NCKAP1: variants seen among roughly 807,000 people sequenced by gnomAD.
NCKAP1 encodes the protein nck-associated protein 1.
Under a neutral mutation model 151.2 loss-of-function variants are expected in NCKAP1, and 21 were observed. The observed-to-expected ratio is 0.14, with a 90% CI of 0.10 to 0.20. The LOEUF (loss-of-function observed/expected upper bound fraction) is 0.20, where lower values mean the gene tolerates loss of function less well. NCKAP1 is among the 10% of genes least tolerant of loss of function. The pLI, the probability that NCKAP1 is intolerant of heterozygous loss-of-function variation, is 1.00. For synonymous variants in NCKAP1, 484 were observed against 451.8 expected (o/e 1.07, Z -0.90); for missense variants, 933 against 1,352.1 (o/e 0.69, Z 4.86).
intron 1 of NCKAP1, among the ~76,000 whole-genome samples, chr2:183,036,815 C>A (rs1306525345): frequency 4.2e-4 from 56 of 133,436 alleles, no homozygotes; most frequent in African/African-American, 1.2e-3. Flanking sequence ...AATGAATTTC[C>A]AAAGAAAAAA....
chr2:182,996,735 C>A (rs575511270), intron 6 of NCKAP1, among the ~76,000 whole-genome samples: 16 of 152,116 alleles, frequency 1.1e-4, no homozygotes, highest in Non-Finnish European at 2.4e-4. Flanking sequence ...GGATTACAGG[C>A]GTGAGCCACC....
intron 4 of NCKAP1, 112 bp downstream of exon 4, chr2:183,002,862 A>G: frequency 4.4e-6 from 3 of 686,532 alleles, no homozygotes; most frequent in East Asian, 2.7e-5. Flanking sequence ...CCAAATTAAT[A>G]ATGCTAAAAC....
intron 1 of NCKAP1, among the ~76,000 whole-genome samples, chr2:183,028,511 C>T (rs1698941610): frequency 6.6e-6 from 1 of 152,046 alleles, no homozygotes; most frequent in Non-Finnish European, 1.5e-5. Flanking sequence ...TTAAAGGATA[C>T]ACTTAAACAT....
Position 182,985,304 on chromosome 2 carries a change from T to C in NCKAP1, c.1004+867A>G, listed in dbSNP as rs1221351878. Among the ~76,000 whole-genome samples, 4 of 152,336 alleles carry C rather than the reference T, an allele frequency of 2.6e-5. No homozygotes were observed. In the East Asian group the frequency reaches 7.7e-4, roughly 29 times the overall value. ...CTGATAGATCAAATAATATTATCTGTATATAGTACCTAAGTTAACTGGAGA... is the reference window on the plus strand; with the variant it reads ...CTGATAGATCAAATAATATTATCTGCATATAGTACCTAAGTTAACTGGAGA... On this transcript the variant is annotated intron_variant, in intron 10 of 30. Transcript: ENST00000361354.
chr2:182,940,885 T>C (rs1696982136), intron 24 of NCKAP1, among the ~76,000 whole-genome samples: 1 of 152,252 alleles, frequency 6.6e-6, no homozygotes, highest in African/African-American at 2.4e-5. Flanking sequence ...CCCTTTATAG[T>C]CCTGGCAACC....
intron 27 of NCKAP1, among the ~76,000 whole-genome samples, chr2:182,929,793 A>G (rs6714190): frequency 0.17 from 25,230 of 151,280 alleles, 4,158 homozygotes; most frequent in African/African-American, 0.43. Flanking sequence ...GAACTCAAAC[A>G]CCATGCTGCT....
At chr2:182,983,444 A>G (rs1474843622) in intron 10 of NCKAP1, 62 bp from the exon 11 acceptor site, 4 of 1,238,624 alleles carry the variant, frequency 3.2e-6, no homozygotes, top group Non-Finnish European at 4.7e-6. Context: ...TGGCAATTAA[A>G]GTAACTAGCA....
chr2:182,997,020 C>G (rs1698283439), intron 6 of NCKAP1, among the ~76,000 whole-genome samples: 1 of 152,106 alleles, frequency 6.6e-6, no homozygotes, highest in African/African-American at 2.4e-5. Flanking sequence ...TCTAGATTTT[C>G]TAGTTTGTGT....
chr2:183,035,563 G>T (rs962614017), intron 1 of NCKAP1, among the ~76,000 whole-genome samples: 3 of 152,060 alleles, frequency 2.0e-5, no homozygotes, highest in African/African-American at 7.2e-5. Flanking sequence ...AGATTGAAAA[G>T]AGTATGTGGT....
At chr2:182,987,948 A>T (rs534665215) in intron 9 of NCKAP1, among the ~76,000 whole-genome samples, 1 of 152,268 alleles carries the variant, frequency 6.6e-6, no homozygotes, top group Non-Finnish European at 1.5e-5. Context: ...TTCTCCAGAG[A>T]TGATGGAAAT....
chr2:182,989,938 C>T (rs1159443601), intron 8 of NCKAP1, among the ~76,000 whole-genome samples: 1 of 151,450 alleles, frequency 6.6e-6, no homozygotes. Flanking sequence ...TGCAGTGAGC[C>T]GAGATCATGC....
chr2:182,935,963 A>AT (rs1168427143), intron 24 of NCKAP1, among the ~76,000 whole-genome samples: 1 of 152,130 alleles, frequency 6.6e-6, no homozygotes, highest in Non-Finnish European at 1.5e-5. Flanking sequence ...AAAATTATTA[A>AT]TAGATTTTCA....
At chr2:182,978,198 T>C (rs1366551589) in intron 14 of NCKAP1, among the ~76,000 whole-genome samples, 1 of 152,248 alleles carries the variant, frequency 6.6e-6, no homozygotes, top group African/African-American at 2.4e-5. Flanking sequence ...TTTATACATT[T>C]ATTACTCAGA....
chr2:183,020,464 CAA>C (rs1179083096), intron 2 of NCKAP1, among the ~76,000 whole-genome samples: 22 of 71,530 alleles, frequency 3.1e-4, no homozygotes, highest in South Asian at 4.8e-4. Flanking sequence ...GACCGTGTCC[CAA>C]AAAAAAAAAA....
rs762459455 is a variant in NCKAP1 at position 182,952,765 on chromosome 2, C to T, written c.2503+28G>A. ...GCAAAAGAATTAAGTGTTCTTCATT[C>T]TCTAAACTGTGGTATAGTACTATTC... On this transcript the variant is annotated intron_variant, in intron 22 of 30. Transcript: ENST00000361354. 3.2e-6 allele frequency: 5 copies of T among 1,548,700 alleles called. No homozygotes were observed. The Admixed American group carries it at 1.1e-4, about 33-fold the overall frequency.
chr2:183,004,895 AAAG>A (rs1251776441), intron 2 of NCKAP1, among the ~76,000 whole-genome samples: 1 of 151,530 alleles, frequency 6.6e-6, no homozygotes, highest in Non-Finnish European at 1.5e-5. Context: ...AAAAAAAAAA[AAAG>A]AAAAAAGAAA....
rs1025858006 is a variant in NCKAP1, at chr2:182,911,517, T to G, written c.*14185A>C. The G allele has an allele frequency of 3.9e-5, 6 of 152,164 alleles. No homozygotes were observed. Among genetic ancestry groups the G allele is most frequent in the African/African-American group, 1.4e-4 (6 of 41,442 alleles). The allele number at this position is 152,164 out of a possible 1,614,324, so 9.4% of individuals were successfully genotyped here. A position where few individuals can be genotyped will look rare whatever the true frequency, so the allele number is the denominator to read the frequency against. ...GTTATAAACAGACTATGTGAAAAAA[T>G]TTGAAATATAAACTCTTAAACCATG... On this transcript the variant is annotated 3_prime_UTR_variant, in exon 31 of 31. Coordinates refer to ENST00000361354, the MANE Select transcript of NCKAP1 (RefSeq NM_013436.5).
At position 182,922,312 on chromosome 2, in the gene NCKAP1, A is replaced by G. The variant is rs1321350059; in HGVS notation, c.*3390T>C. The G allele has an allele frequency of 6.6e-6, 1 of 152,226 alleles. No homozygotes were observed. The highest frequency in any genetic ancestry group is 1.5e-5 in the Non-Finnish European group (1 of 68,038). 9.4% of individuals were successfully genotyped at this position (152,226 alleles called of 1,614,324 possible). A position where few individuals can be genotyped will look rare whatever the true frequency, so the allele number is the denominator to read the frequency against. On this transcript the variant is annotated 3_prime_UTR_variant, in exon 31 of 31. Coordinates refer to ENST00000361354, the MANE Select transcript of NCKAP1 (RefSeq NM_013436.5). Reference sequence around the variant, plus strand: ...CTTTACATTTTCACATTAATGCAAGAGCCTATCAGTGAATTCATGTTCATT... The same window carrying G: ...CTTTACATTTTCACATTAATGCAAGGGCCTATCAGTGAATTCATGTTCATT...
intron 12 of NCKAP1, among the ~76,000 whole-genome samples, chr2:182,982,487 CT>C (rs1559092556): frequency 6.6e-6 from 1 of 152,094 alleles, no homozygotes; most frequent in Non-Finnish European, 1.5e-5. Context: ...TGAATTTTGA[CT>C]TTTTTTCCAG....
Sources: allele counts gnomAD v4.1 joint callset (sites outside exome capture counted in the v4.1 genomes callset), GRCh38; gene constraint gnomAD v4.1.1; transcripts MANE v1.5; gene names NCBI Gene and HGNC (gene_info 2026-07-23, HGNC 2026-07-21).